The following CSMD3 variants were observed in gnomAD, a reference collection of about 807,000 sequenced individuals.
CSMD3 encodes CUB and Sushi multiple domains 3.
A neutral mutation model predicts 435.2 loss-of-function variants in CSMD3; 177 were observed. The observed-to-expected ratio is 0.41, with a 90% CI of 0.36 to 0.46. The LOEUF is 0.46. Among genes scored for constraint, CSMD3 ranks in the 20% least tolerant of loss-of-function variants. CSMD3 has a pLI of 0.34. For missense variants in CSMD3, 4,265 were observed against 4,504.6 expected (o/e 0.95, Z 1.52); for synonymous variants, 1,656 against 1,520.5 (o/e 1.09, Z -2.07).
intron 35 of CSMD3, among the ~76,000 whole-genome samples, chr8:112,398,775 A>C (rs1235294144): frequency 6.6e-6 from 1 of 152,108 alleles, no homozygotes; most frequent in Non-Finnish European, 1.5e-5. Context: ...ACTCAGGTTC[A>C]TTCTTCCTTT....
rs141130465 is a variant in CSMD3 at position 112,550,798 on chromosome 8, A to T, written c.4437T>A (p.Asp1479Glu). The T allele has an allele frequency of 1.2e-6, 2 of 1,610,920 alleles. No individual in the cohort carries two copies. The highest frequency in any genetic ancestry group is 1.1e-5 in the South Asian group (1 of 91,020). ...ATCCACTAATTTCCTTTAAAAGCAT[A>T]TCATTTTCTGGTGGACCGTCCCAGA... is the stretch of plus-strand genomic sequence containing the variant. ...LRVWDGPPEN[D>E]MLLKEISGSL... The change falls in exon 27 of 71, where the codon GAT (aspartate) becomes GAA (glutamate). Residue 1479 changes from aspartate (D) to glutamate (E), a missense_variant. This residue lies in a region of CSMD3 where 3,255 missense variants were observed against 3,380.2 expected (regional missense o/e 0.96). Transcript: ENST00000297405.
intron 22 of CSMD3, among the ~76,000 whole-genome samples, chr8:112,619,020 T>C (rs1015088834): frequency 3.9e-5 from 6 of 152,130 alleles, no homozygotes; most frequent in Non-Finnish European, 7.4e-5. Context: ...TCTGAAACTA[T>C]ACAAAGGACA....
At chr8:113,331,766 A>G (rs1201874123) in intron 1 of CSMD3, among the ~76,000 whole-genome samples, 1 of 151,700 alleles carries the variant, frequency 6.6e-6, no homozygotes, top group Non-Finnish European at 1.5e-5. Context: ...AACTAAAAAT[A>G]GAATGGAACA....
chr8:112,583,196 A>G (rs1830462378), intron 23 of CSMD3, among the ~76,000 whole-genome samples: 1 of 152,094 alleles, frequency 6.6e-6, no homozygotes, highest in African/African-American at 2.4e-5. Flanking sequence ...AAAGTGTGAA[A>G]GAAACAAGGA....
chr8:112,413,551 A>T (rs1811582549), intron 32 of CSMD3, among the ~76,000 whole-genome samples: 1 of 152,192 alleles, frequency 6.6e-6, no homozygotes, highest in Non-Finnish European at 1.5e-5. Context: ...ATTAGCATAG[A>T]TAACTGGCAG....
intron 4 of CSMD3, among the ~76,000 whole-genome samples, chr8:113,100,022 C>T (rs1466228486): frequency 6.6e-6 from 1 of 151,968 alleles, no homozygotes; most frequent in Admixed American, 6.6e-5. Flanking sequence ...TGGAGATGGA[C>T]AATATCTTTG....
chr8:112,247,152 GA>G (rs747511770), intron 63 of CSMD3, 21 bp from the exon 64 acceptor site: 8 of 1,491,490 alleles, frequency 5.4e-6, no homozygotes, highest in Admixed American at 1.7e-5. Flanking sequence ...TTAAAGAGAG[GA>G]AAAAAATATT....
chr8:112,389,869 T>C (rs1460971114), intron 36 of CSMD3, among the ~76,000 whole-genome samples: 2 of 152,182 alleles, frequency 1.3e-5, no homozygotes, highest in Non-Finnish European at 2.9e-5. Flanking sequence ...ATATATATCT[T>C]TATGTAAAAC....
chr8:113,328,827 C>G (rs933918879), intron 1 of CSMD3, among the ~76,000 whole-genome samples: 1 of 137,726 alleles, frequency 7.3e-6, no homozygotes, highest in African/African-American at 2.7e-5. Context: ...GCAGCCTCAA[C>G]CTTCCCAGGC....
intron 1 of CSMD3, among the ~76,000 whole-genome samples, chr8:113,369,653 C>G (rs970347326): frequency 9.2e-5 from 14 of 151,798 alleles, no homozygotes; most frequent in South Asian, 2.1e-4. Context: ...TGGAATCAAC[C>G]TAAGTGTCCA....
chr8:112,432,252 G>A (rs957889127), intron 32 of CSMD3, among the ~76,000 whole-genome samples: 1 of 152,038 alleles, frequency 6.6e-6, no homozygotes, highest in Non-Finnish European at 1.5e-5. Flanking sequence ...CACTAAACAC[G>A]GAAGATTGCA....
chr8:112,257,490 GACAA>G (rs1368249278), intron 61 of CSMD3, among the ~76,000 whole-genome samples: 2 of 152,252 alleles, frequency 1.3e-5, no homozygotes, highest in East Asian at 3.9e-4. Context: ...ACCAATGATA[GACAA>G]ACAGAGAGTC....
intron 32 of CSMD3, among the ~76,000 whole-genome samples, chr8:112,465,924 G>A (rs560608172): frequency 1.8e-4 from 27 of 149,766 alleles, no homozygotes; most frequent in Non-Finnish European, 3.5e-4. Context: ...GCAGTGAGCC[G>A]AGATGGCACC....
At chr8:113,411,920 T>G (rs1348190045) in intron 1 of CSMD3, among the ~76,000 whole-genome samples, 1 of 152,164 alleles carries the variant, frequency 6.6e-6, no homozygotes. Context: ...GTTAAGAATA[T>G]GGGTTTTAGA....
At chr8:113,081,887 C>T (rs1194904783) in intron 5 of CSMD3, among the ~76,000 whole-genome samples, 1 of 152,106 alleles carries the variant, frequency 6.6e-6, no homozygotes, top group Non-Finnish European at 1.5e-5. Context: ...TGAGGCAAAG[C>T]AAAAACTCCC....
At chr8:112,994,187 T>C (rs1214169673) in intron 6 of CSMD3, among the ~76,000 whole-genome samples, 1 of 151,828 alleles carries the variant, frequency 6.6e-6, no homozygotes, top group Non-Finnish European at 1.5e-5. Flanking sequence ...TTCTTCTAAA[T>C]ATCAGTTAAA....
intron 27 of CSMD3, among the ~76,000 whole-genome samples, chr8:112,519,239 T>G (rs1460255999): frequency 6.6e-6 from 1 of 152,168 alleles, no homozygotes; most frequent in Non-Finnish European, 1.5e-5. Flanking sequence ...TCATGCCTCC[T>G]TTTCCTTAAC....
Position 112,249,588 on chromosome 8 carries a change from C to T in CSMD3, c.10111-2457G>A, listed in dbSNP as rs549482669. On this transcript the variant is annotated intron_variant, in intron 63 of 70. Transcript: ENST00000297405. ...TGCCTTAAAGTCAGAGTGATCTATGCAACACGAAAGTTTGACCTTATTATT... is the reference window on the plus strand; with the variant it reads ...TGCCTTAAAGTCAGAGTGATCTATGTAACACGAAAGTTTGACCTTATTATT... Among the ~76,000 whole-genome samples, 255 of 152,192 alleles carry T rather than the reference C, an allele frequency of 1.7e-3. 2 individuals are homozygous for T. Among genetic ancestry groups the T allele is most frequent in the Middle Eastern group, 0.01 (3 of 294 alleles).
At chr8:112,559,478 T>C (rs1365926013) in intron 24 of CSMD3, among the ~76,000 whole-genome samples, 2 of 151,778 alleles carry the variant, frequency 1.3e-5, no homozygotes, top group African/African-American at 4.8e-5. Context: ...TGTAGAAGAT[T>C]TTTTCATTAG....
Sources: allele counts gnomAD v4.1 joint callset (sites outside exome capture counted in the v4.1 genomes callset), GRCh38; gene constraint gnomAD v4.1.1; regional missense constraint gnomAD v4.1.1; transcripts MANE v1.5; gene names NCBI Gene and HGNC (gene_info 2026-07-23, HGNC 2026-07-21).